D2HGDH: variants seen among roughly 807,000 people sequenced by gnomAD.
D2HGDH encodes the protein D-2-hydroxyglutarate dehydrogenase, also known as D-2-hydroxyglutarate dehydrogenase, mitochondrial.
A neutral mutation model predicts 46.9 loss-of-function variants in D2HGDH; 31 were observed. That is an observed-to-expected ratio of 0.66 (90% CI 0.50 to 0.89). The LOEUF is 0.89. Ranked by LOEUF, D2HGDH falls within the 40% of genes least tolerant of loss-of-function variation. The pLI is 0.00. For missense variants in D2HGDH, 698 were observed against 720.8 expected (o/e 0.97, Z 0.36); for synonymous variants, 364 against 332.6 (o/e 1.09, Z -1.03).
chr2:241,748,359 G>C (rs1217724494), intron 6 of D2HGDH, among the ~76,000 whole-genome samples: 1 of 151,964 alleles, frequency 6.6e-6, no homozygotes, highest in Non-Finnish European at 1.5e-5. Context: ...GACCTCAAGT[G>C]ATCTGCCCGC....
Position 241,735,381 on chromosome 2 carries a change from C to T in D2HGDH, c.157C>T (p.Pro53Ser). 1 of 1,586,558 alleles carries T rather than the reference C, an allele frequency of 6.3e-7. No individual in the cohort carries two copies. The highest frequency in any genetic ancestry group is 8.5e-7 in the Non-Finnish European group (1 of 1,170,336). ...GGTGCCGCTGACCCGGGAGCGCTACCCCGTGCGGCGCTTGCCGTTCTCCAC... is the reference window on the plus strand; with the variant it reads ...GGTGCCGCTGACCCGGGAGCGCTACTCCGTGCGGCGCTTGCCGTTCTCCAC... The part of the protein sequence containing the change: ...PEVPLTRERY[P>S]VRRLPFSTVS... The change falls in exon 2 of 10, where the codon CCC (proline) becomes TCC (serine). Residue 53 changes from proline (P) to serine (S), a missense_variant. Physicochemically the swap from Pro to Ser is moderately conservative, Grantham distance 74 (BLOSUM62 -1). Coordinates refer to ENST00000321264, the MANE Select transcript of D2HGDH (RefSeq NM_152783.5).
intron 2 of D2HGDH, 59 bp downstream of exon 2, chr2:241,735,575 G>A: frequency 2.5e-6 from 4 of 1,590,330 alleles, no homozygotes; most frequent in South Asian, 1.1e-5. Flanking sequence ...GCGCCTTCCC[G>A]TGGAGGCTTC....
rs527493724 is a variant in D2HGDH at position 241,738,260 on chromosome 2, C to T, written c.292+2744C>T. Among the ~76,000 whole-genome samples the T allele has an allele frequency of 1.1e-4, 17 of 152,172 alleles. No homozygotes were observed. The South Asian group carries it at 2.1e-3, about 19-fold the overall frequency. On this transcript the variant is annotated intron_variant, in intron 2 of 9. Coordinates refer to ENST00000321264, the MANE Select transcript of D2HGDH (RefSeq NM_152783.5). ...CCTGTGGGCTCACGAATGTTGTCCC[C>T]GGAGGCAGGTGAGGATGGACGCCCA...
intron 9 of D2HGDH, among the ~76,000 whole-genome samples, chr2:241,757,629 G>A (rs1698312847): frequency 6.6e-6 from 1 of 152,172 alleles, no homozygotes; most frequent in African/African-American, 2.4e-5. Context: ...AGACCATCTT[G>A]GTGAGAAATG....
At position 241,768,360 on chromosome 2, in the gene D2HGDH, G is replaced by A; in HGVS notation, c.*391G>A. On this transcript the variant is annotated 3_prime_UTR_variant, in exon 10 of 10. Coordinates refer to ENST00000321264, the MANE Select transcript of D2HGDH (RefSeq NM_152783.5). ...TGCCTGCTTGCTGCTCGTTCCCCGG[G>A]CATGCGTGGGCAGCGGGGGGCATGC... 4.5e-6 allele frequency: 1 copy of A among 220,118 alleles called. No homozygotes were observed. Among genetic ancestry groups the A allele is most frequent in the Non-Finnish European group, 9.1e-6 (1 of 110,092 alleles). The allele number at this position is 220,118 out of a possible 1,614,324, so 13.6% of individuals were successfully genotyped here.
intron 9 of D2HGDH, 145 bp from the exon 10 acceptor site, chr2:241,767,565 G>A (rs1699248224): frequency 1.4e-5 from 17 of 1,190,162 alleles, no homozygotes; most frequent in East Asian, 1.0e-4. Flanking sequence ...GGGTCGGCAC[G>A]TCCAGGGCGA....
chr2:241,740,935 G>A (rs549302662), intron 2 of D2HGDH, 98 bp from the exon 3 acceptor site: 197 of 944,852 alleles, frequency 2.1e-4, no homozygotes, highest in African/African-American at 3.4e-4. Context: ...GTGAGAGTCC[G>A]TCTCCAAAAA....
intron 2 of D2HGDH, among the ~76,000 whole-genome samples, chr2:241,739,153 C>T (rs1313499217): frequency 2.0e-5 from 3 of 152,238 alleles, no homozygotes; most frequent in East Asian, 3.9e-4. Context: ...ACTGGACCAC[C>T]GGGAGGGAGC....
At chr2:241,762,592 G>C (rs546054652) in intron 9 of D2HGDH, among the ~76,000 whole-genome samples, 1 of 152,114 alleles carries the variant, frequency 6.6e-6, no homozygotes, top group South Asian at 2.1e-4. Flanking sequence ...CCCTTCCTCT[G>C]TTCTCCTCTT....
At chr2:241,744,987 C>G in intron 6 of D2HGDH, 110 bp downstream of exon 6, 1 of 1,354,738 alleles carries the variant, frequency 7.4e-7, no homozygotes. Flanking sequence ...CCGCCAAGGA[C>G]AGTCGGTTCC....
At position 241,751,291 on chromosome 2, in the gene D2HGDH, G is replaced by T; in HGVS notation, c.1043G>T (p.Gly348Val). 1.9e-6 allele frequency: 3 copies of T among 1,613,992 alleles called. No homozygotes were observed. Among genetic ancestry groups the T allele is most frequent in the Non-Finnish European group, 2.5e-6 (3 of 1,180,044 alleles). Residue 348 changes from glycine (G) to valine (V), a missense_variant, in exon 8 of 10, where the codon GGC (glycine) becomes GTC (valine). By Grantham distance (109) the Gly-to-Val change is moderately radical. Transcript: ENST00000321264. ...ATCGAGACTTCAGGCTCCAACGCAG[G>T]CCATGACGCTGAGAAGCTGGGCCAC... ...VLIETSGSNAGHDAEKLGHFL... is the reference protein window; with the variant it reads ...VLIETSGSNAVHDAEKLGHFL...
At chr2:241,739,886 T>A (rs1343392886) in intron 2 of D2HGDH, among the ~76,000 whole-genome samples, 2 of 152,238 alleles carry the variant, frequency 1.3e-5, no homozygotes, top group African/African-American at 4.8e-5. Flanking sequence ...GACTCATGCC[T>A]GTAACCACAG....
chr2:241,750,045 G>A (rs940127562), intron 6 of D2HGDH, 106 bp from the exon 7 acceptor site: 2 of 1,568,884 alleles, frequency 1.3e-6, no homozygotes, highest in Admixed American at 1.7e-5. Context: ...TGGCTGCCCA[G>A]CTCACCCACC....
chr2:241,734,941 C>A (rs1692333674), intron 1 of D2HGDH, 192 bp from the exon 2 acceptor site: 1 of 398,374 alleles, frequency 2.5e-6, no homozygotes, highest in Non-Finnish European at 4.5e-6. Flanking sequence ...CCGCCCCGAG[C>A]CTGCGCGTCG....
chr2:241,746,346 C>G (rs1304212950), intron 6 of D2HGDH, among the ~76,000 whole-genome samples: 1 of 152,110 alleles, frequency 6.6e-6, no homozygotes, highest in Admixed American at 6.6e-5. Flanking sequence ...TGGTTCCCTC[C>G]GTCCATTGAG....
In D2HGDH at chr2:241,767,662, C is replaced by T. The variant is rs542208226; in HGVS notation, c.1307-48C>T. The stretch of plus-strand genomic sequence containing the variant: ...GGGCTGTTGGGGGAGGAGTGGGGTC[C>T]TGGGGGCTGCCCTGCCCAGCCTGAC... On this transcript the variant is annotated intron_variant, in intron 9 of 9. Coordinates refer to ENST00000321264, the MANE Select transcript of D2HGDH (RefSeq NM_152783.5). 1.3e-4 allele frequency: 208 copies of T among 1,609,556 alleles called. 3 individuals carry two copies. In the South Asian group the frequency reaches 2.2e-3, roughly 17 times the overall value.
chr2:241,753,164 G>T (rs1013896489), intron 8 of D2HGDH, among the ~76,000 whole-genome samples: 2 of 152,232 alleles, frequency 1.3e-5, no homozygotes, highest in Non-Finnish European at 2.9e-5. Flanking sequence ...CCTCGTTCTG[G>T]CTCATGCTCG....
intron 1 of D2HGDH, 90 bp from the exon 2 acceptor site, chr2:241,735,043 G>T (rs1692374903): frequency 4.3e-6 from 3 of 691,748 alleles, no homozygotes; most frequent in Non-Finnish European, 6.6e-6. Flanking sequence ...CCTTCCCTTC[G>T]CTGCCCTCCT....
rs761341504 is a variant in D2HGDH at position 241,742,472 on chromosome 2, G to C, written c.388G>C (p.Gly130Arg). ...HERNLAVNPQ[G>R]GNTGMVGGSV... ...GAGGAACCTGGCCGTGAACCCACAG[G>C]GGGGCAACACAGGCATGGTGGGTGG... The change falls in exon 4 of 10, where the codon GGG becomes CGG. Residue 130 changes from glycine (G) to arginine (R), a missense_variant. Transcript: ENST00000321264. The surrounding 1 kb of genome is among the most constrained non-coding windows in gnomAD (Gnocchi z 4.8). The C allele has an allele frequency of 3.1e-6, 5 of 1,613,858 alleles. No homozygotes were observed. Among genetic ancestry groups the C allele is most frequent in the Admixed American group, 3.3e-5 (2 of 59,990 alleles).
Sources: gnomAD v4.1 joint callset for allele counts (sites outside exome capture counted in the v4.1 genomes callset) on GRCh38, gnomAD v4.1.1 for gene constraint, Gnocchi (gnomAD v3.1) non-coding constraint, MANE v1.5 for transcripts, NCBI Gene and HGNC (gene_info 2026-07-23, HGNC 2026-07-21) for gene names.